Variants in SH2D4A observed in about 807,000 individuals in gnomAD.
SH2D4A encodes the protein SH2 domain-containing protein 4A.
In SH2D4A, 70 loss-of-function variants were observed where a neutral mutation model predicts 64.7. The observed-to-expected ratio is 1.08, with a 90% CI of 0.89 to 1.32. The LOEUF (loss-of-function observed/expected upper bound fraction) is 1.32. Ranked by LOEUF, SH2D4A falls within the 40% of genes most tolerant of loss-of-function variation. The pLI is 0.00. For missense variants in SH2D4A, 706 were observed against 540.1 expected (o/e 1.31, Z -3.04); for synonymous variants, 268 against 200.7 (o/e 1.34, Z -2.83).
At chr8:19,322,648 G>GA in intron 2 of SH2D4A, among the ~76,000 whole-genome samples, 1 of 130,106 alleles carries the variant, frequency 7.7e-6, no homozygotes, top group East Asian at 2.2e-4. Context: ...ACAGAGTCTT[G>GA]CTCTGTCTCC....
intron 5 of SH2D4A, among the ~76,000 whole-genome samples, chr8:19,357,740 C>G (rs559104756): frequency 6.6e-6 from 1 of 152,318 alleles, no homozygotes; most frequent in Non-Finnish European, 1.5e-5. Context: ...CCCTCTCTCA[C>G]GTCCATCTAG....
chr8:19,393,487 G>C lies in SH2D4A; in HGVS notation c.1218G>C (p.Leu406=). 1 of 1,614,218 alleles carries C rather than the reference G, an allele frequency of 6.2e-7. No homozygotes were observed. Among genetic ancestry groups the C allele is most frequent in the South Asian group, 1.1e-5 (1 of 91,086 alleles). Residue 406 remains leucine, a synonymous_variant, in exon 9 of 10, where the codon CTG becomes CTC. Coordinates refer to ENST00000265807, the MANE Select transcript of SH2D4A (RefSeq NM_022071.4). ...CCTCTGCAGACGCCTACAGCTTCCT[G>C]GGCGTGGACCAGCTACAGCATGCCA... The part of the protein sequence containing the change: ...IDASADAYSF[L]GVDQLQHATL...
chr8:19,391,799 C>T (rs573140620), intron 8 of SH2D4A, among the ~76,000 whole-genome samples: 41 of 152,326 alleles, frequency 2.7e-4, no homozygotes, highest in South Asian at 6.2e-4. Context: ...GAGTTCACTT[C>T]TCAATTAGCT....
At chr8:19,378,835 C>G (rs2053239304) in intron 8 of SH2D4A, among the ~76,000 whole-genome samples, 1 of 146,924 alleles carries the variant, frequency 6.8e-6, no homozygotes, top group Non-Finnish European at 1.5e-5. Context: ...CCTTTGAGCC[C>G]AGGAGTTTGA....
intron 7 of SH2D4A, among the ~76,000 whole-genome samples, chr8:19,365,754 A>G (rs569092382): frequency 2.0e-4 from 30 of 152,228 alleles, no homozygotes; most frequent in African/African-American, 6.0e-4. Context: ...TAGGGCTGGG[A>G]CTTGACACAG....
chr8:19,328,051 G>C (rs1223609519), intron 2 of SH2D4A, among the ~76,000 whole-genome samples: 2 of 152,074 alleles, frequency 1.3e-5, no homozygotes, highest in African/African-American at 2.4e-5. Flanking sequence ...GGTTATTTGG[G>C]GCATCAGAAT....
intron 9 of SH2D4A, 79 bp downstream of exon 9, chr8:19,393,620 G>C: frequency 1.4e-5 from 20 of 1,387,638 alleles, no homozygotes; most frequent in Non-Finnish European, 1.1e-5. Flanking sequence ...CAATTACAAA[G>C]AAAAGGACTG....
At position 19,394,678 on chromosome 8, in the gene SH2D4A, G is replaced by C. The variant is rs1344254; in HGVS notation, c.*36G>C. 12 of 1,542,988 alleles carry C rather than the reference G, an allele frequency of 7.8e-6. No individual in the cohort carries two copies. In the East Asian group the frequency reaches 1.4e-4, roughly 18 times the overall value. On this transcript the variant is annotated 3_prime_UTR_variant, in exon 10 of 10. Transcript: ENST00000265807. ...CAGGGTCATCCTACAGCCTCCAAGC[G>C]GGCTTTCCCCTGGACAAATGCCACT...
At chr8:19,347,979 T>C (rs2052638305) in intron 4 of SH2D4A, among the ~76,000 whole-genome samples, 1 of 152,180 alleles carries the variant, frequency 6.6e-6, no homozygotes, top group South Asian at 2.1e-4. Flanking sequence ...TGACACCTGT[T>C]TTTAAGTCAG....
chr8:19,358,708 C>T (rs10089751), intron 5 of SH2D4A, among the ~76,000 whole-genome samples: 2 of 151,828 alleles, frequency 1.3e-5, no homozygotes, highest in Non-Finnish European at 2.9e-5. Context: ...GAGGCATCCT[C>T]CTTTGGGGAC....
intron 2 of SH2D4A, among the ~76,000 whole-genome samples, chr8:19,327,345 A>C (rs2052298212): frequency 6.6e-6 from 1 of 152,206 alleles, no homozygotes; most frequent in South Asian, 2.1e-4. Flanking sequence ...TGTAATTTTA[A>C]GGTGAAGCAG....
rs943561575 is a variant in SH2D4A at position 19,395,223 on chromosome 8, A to C, written c.*581A>C. The C allele has an allele frequency of 6.6e-5, 10 of 152,206 alleles. No homozygotes were observed. The highest frequency in any genetic ancestry group is 2.4e-4 in the African/African-American group (10 of 41,452). 9.4% of individuals were successfully genotyped at this position (152,206 alleles called of 1,614,324 possible). Reference sequence around the variant, plus strand: ...TTAACATGCATGAAAATACAGATGGACCTGCAGGAAAGTGAGCAAACATCG... The same window carrying C: ...TTAACATGCATGAAAATACAGATGGCCCTGCAGGAAAGTGAGCAAACATCG... On this transcript the variant is annotated 3_prime_UTR_variant, in exon 10 of 10. Coordinates refer to ENST00000265807, the MANE Select transcript of SH2D4A (RefSeq NM_022071.4).
chr8:19,375,611 G>A (rs779062925), intron 8 of SH2D4A: 1 of 152,240 alleles, frequency 6.6e-6, no homozygotes, highest in Non-Finnish European at 1.5e-5. Flanking sequence ...TATCAATGGA[G>A]AGAAGGAACA....
chr8:19,386,273 A>G (rs1198291723), intron 8 of SH2D4A, among the ~76,000 whole-genome samples: 2 of 152,268 alleles, frequency 1.3e-5, no homozygotes, highest in Non-Finnish European at 2.9e-5. Flanking sequence ...TGAAACAAAG[A>G]GGCTAAAACT....
chr8:19,373,502 T>C, intron 7 of SH2D4A, 28 bp from the exon 8 acceptor site: 5 of 1,547,446 alleles, frequency 3.2e-6, no homozygotes, highest in Non-Finnish European at 4.4e-6. Context: ...TAGTTAAATC[T>C]AACTTGAAAA....
rs528552408 is a variant in SH2D4A, at chr8:19,364,585, G to A, written c.917+303G>A. Among the ~76,000 whole-genome samples the A allele has an allele frequency of 1.1e-4, 15 of 132,434 alleles. No individual in the cohort carries two copies. The South Asian group carries it at 1.7e-3, about 15-fold the overall frequency. 86.9% of individuals were successfully genotyped at this position (132,434 alleles called of 152,430 possible). On this transcript the variant is annotated intron_variant, in intron 7 of 9. Coordinates refer to ENST00000265807, the MANE Select transcript of SH2D4A (RefSeq NM_022071.4). ...CCCCACTCTCCCCTTTCCCTCCCCC[G>A]CCCCCCTCCCCCCCAGAGGCAGCCG...
At position 19,334,815 on chromosome 8, in the gene SH2D4A, A is replaced by G; in HGVS notation, c.471A>G (p.Gln157=). The G allele has an allele frequency of 3.1e-6, 5 of 1,614,028 alleles. No homozygotes were observed. Among genetic ancestry groups the G allele is most frequent in the Non-Finnish European group, 3.4e-6 (4 of 1,179,964 alleles). ...KKVAEKEELE[Q]GSRPAPTLEE... ...TGGCAGAAAAGGAGGAACTGGAGCA[A>G]GGATCGAGGCCAGCACCAACCCTGG... is the stretch of plus-strand genomic sequence containing the variant. Residue 157 remains glutamine (Q), a synonymous_variant, in exon 4 of 10, where the codon CAA becomes CAG. Coordinates refer to ENST00000265807, the MANE Select transcript of SH2D4A (RefSeq NM_022071.4).
intron 8 of SH2D4A, among the ~76,000 whole-genome samples, chr8:19,380,810 G>A (rs756214030): frequency 3.5e-4 from 54 of 152,236 alleles, no homozygotes; most frequent in Admixed American, 1.2e-3. Context: ...TATGTGTGAC[G>A]TCTTCCTGTT....
At position 19,334,868 on chromosome 8, in the gene SH2D4A, A is replaced by C; in HGVS notation, c.513+11A>C. ...GAAGAGAAAATCCGAGTGAGTCCTT[A>C]CTGTCTGTAGACGTGCGGAATTTCA... On this transcript the variant is annotated intron_variant, in intron 4 of 9. Coordinates refer to ENST00000265807, the MANE Select transcript of SH2D4A (RefSeq NM_022071.4). 1.2e-6 allele frequency: 2 copies of C among 1,601,134 alleles called. No individual in the cohort carries two copies. The highest frequency in any genetic ancestry group is 1.7e-6 in the Non-Finnish European group (2 of 1,176,020).
Sources: allele counts gnomAD v4.1 joint callset (sites outside exome capture counted in the v4.1 genomes callset), GRCh38; gene constraint gnomAD v4.1.1; transcripts MANE v1.5; gene names NCBI Gene and HGNC (gene_info 2026-07-23, HGNC 2026-07-21).